The following BAHCC1 variants were observed in gnomAD, a reference collection of about 807,000 sequenced individuals.
BAHCC1 encodes BAH domain and coiled-coil containing 1.
A neutral mutation model predicts 88.2 loss-of-function variants in BAHCC1; 43 were observed. That is an observed-to-expected ratio of 0.49 (90% CI 0.38 to 0.63). The LOEUF (loss-of-function observed/expected upper bound fraction) is 0.63, where lower values mean the gene tolerates loss of function less well. Ranked by LOEUF, BAHCC1 falls within the 20% of genes least tolerant of loss-of-function variation. The pLI is 0.00. For synonymous variants in BAHCC1, 1,510 were observed against 745.5 expected (o/e 2.03, Z -16.71); for missense variants, 3,023 against 1,654.8 (o/e 1.83, Z -14.34).
intron 10 of BAHCC1, among the ~76,000 whole-genome samples, chr17:81,446,064 G>T (rs532978713): frequency 6.6e-6 from 1 of 152,132 alleles, no homozygotes; most frequent in African/African-American, 2.4e-5. Flanking sequence ...CTGGGAGAGG[G>T]AGGGGCAGCG....
rs782224953 is a variant in BAHCC1 at position 81,447,385 on chromosome 17, C to T, written c.3513C>T (p.Thr1171=). The change falls in exon 11 of 28, where the codon ACC becomes ACT. Residue 1171 remains threonine, a synonymous_variant. Coordinates refer to ENST00000675386, the MANE Select transcript of BAHCC1 (RefSeq NM_001377448.1). ...ALLEAGGPEA[T]GQAHSTQGGA... Reference sequence around the variant, plus strand: ...TGGAGGCAGGGGGCCCCGAGGCCACCGGCCAGGCTCATTCTACTCAGGGAG... The same window carrying T: ...TGGAGGCAGGGGGCCCCGAGGCCACTGGCCAGGCTCATTCTACTCAGGGAG... The T allele has an allele frequency of 3.4e-4, 252 of 737,202 alleles. No individual in the cohort carries two copies. The highest frequency in any genetic ancestry group is 5.3e-4 in the Non-Finnish European group (211 of 397,026). 45.7% of individuals were successfully genotyped at this position (737,202 alleles called of 1,614,324 possible). A position where few individuals can be genotyped will look rare whatever the true frequency, so the allele number is the denominator to read the frequency against.
At position 81,465,695 on chromosome 17, in the gene BAHCC1, G is replaced by A. The variant is rs1211882833; in HGVS notation, c.*1878G>A. The A allele has an allele frequency of 6.6e-6, 1 of 152,284 alleles. No individual in the cohort carries two copies. Among genetic ancestry groups the A allele is most frequent in the African/African-American group, 2.4e-5 (1 of 41,452 alleles). The allele number at this position is 152,284 out of a possible 1,614,324, so 9.4% of individuals were successfully genotyped here. ...CCCCTATTTTTCTCGGGCCCATTGG[G>A]GCCTGTTTCTCACCTGCTGGCTGGA... is the stretch of plus-strand genomic sequence containing the variant. On this transcript the variant is annotated 3_prime_UTR_variant, in exon 28 of 28. Transcript: ENST00000675386.
intron 4 of BAHCC1, among the ~76,000 whole-genome samples, chr17:81,440,498 C>T (rs1418738414): frequency 6.6e-6 from 1 of 152,198 alleles, no homozygotes; most frequent in African/African-American, 2.4e-5. Flanking sequence ...TTTACAAGTT[C>T]CAAATGTTTC....
rs1397087670 is a variant in BAHCC1, at chr17:81,424,342, CT to C, written c.179-2453del. 5.9e-5 allele frequency among the ~76,000 whole-genome samples: 9 copies of C among 152,322 alleles called. No homozygotes were observed. In the East Asian group the frequency reaches 1.7e-3, roughly 29 times the overall value. On this transcript the variant is annotated intron_variant, in intron 2 of 27. Transcript: ENST00000675386. The stretch of plus-strand genomic sequence containing the variant: ...CTGGTGCCTCATGTATCACCTTGAC[CT>C]TTTTGGCAAGTTCGCCAGTGTGTGA...
At position 81,442,205 on chromosome 17, in the gene BAHCC1, A is replaced by G. The variant is rs2064430810; in HGVS notation, c.856A>G (p.Asn286Asp). 4.6e-6 allele frequency: 3 copies of G among 655,160 alleles called. No homozygotes were observed. Among genetic ancestry groups the G allele is most frequent in the African/African-American group, 3.8e-5 (2 of 52,880 alleles). The allele number at this position is 655,160 out of a possible 1,614,324, so 40.6% of individuals were successfully genotyped here. Residue 286 changes from asparagine to aspartate, a missense_variant, in exon 5 of 28, where the codon AAC becomes GAC. Transcript: ENST00000675386. ...CAAGCACCTCACCTCCTGCCTCCTC[A>G]ACACCAAGGTGCTCAACGGCGAGAT... is the stretch of plus-strand genomic sequence containing the variant. The part of the protein sequence containing the change: ...RPKHLTSCLL[N>D]TKVLNGEMGR...
chr17:81,447,673 C>A lies in BAHCC1; in HGVS notation c.3801C>A (p.Thr1267=). ...LPGLDALVAA[T]INLGDLPSDS... Reference sequence around the variant, plus strand: ...GCCTGGATGCCTTGGTGGCCGCCACCATCAACCTGGGGGACCTGCCCAGCG... The same window carrying A: ...GCCTGGATGCCTTGGTGGCCGCCACAATCAACCTGGGGGACCTGCCCAGCG... The change falls in exon 11 of 28, where the codon ACC becomes ACA. Residue 1267 remains threonine, a synonymous_variant. Transcript: ENST00000675386. 1 of 739,696 alleles carries A rather than the reference C, an allele frequency of 1.4e-6. No individual in the cohort carries two copies. Among genetic ancestry groups the A allele is most frequent in the East Asian group, 2.6e-5 (1 of 38,770 alleles). 45.8% of individuals were successfully genotyped at this position (739,696 alleles called of 1,614,324 possible).
chr17:81,424,891 G>C (rs1555650077), intron 2 of BAHCC1, among the ~76,000 whole-genome samples: 3 of 151,602 alleles, frequency 2.0e-5, no homozygotes, highest in Non-Finnish European at 4.4e-5. Context: ...TGATGTGGTA[G>C]TAATGTGGTT....
chr17:81,452,237 C>T (rs2064652693), intron 13 of BAHCC1, 130 bp downstream of exon 13: 2 of 496,136 alleles, frequency 4.0e-6, no homozygotes, highest in Admixed American at 3.9e-5. Flanking sequence ...GGGCAGACAC[C>T]AGGGTCCATC....
At chr17:81,403,441 A>G (rs1164755035) in intron 2 of BAHCC1, among the ~76,000 whole-genome samples, 1 of 151,250 alleles carries the variant, frequency 6.6e-6, no homozygotes, top group Non-Finnish European at 1.5e-5. Flanking sequence ...ACTGCAAACT[A>G]CTTCTTTCCT....
chr17:81,404,278 A>G (rs1555646540), intron 2 of BAHCC1, among the ~76,000 whole-genome samples: 1 of 152,254 alleles, frequency 6.6e-6, no homozygotes, highest in Admixed American at 6.5e-5. Flanking sequence ...TAAATAAATT[A>G]TACAAGAGCC....
In BAHCC1 at chr17:81,452,722, G is replaced by A. The variant is rs1221722600; in HGVS notation, c.4317-1G>A. ...CTGACCATCCCCCCTGCGGCCCCCAGGAGAGACGAGAGTTCACGGAGCCCT... is the reference window on the plus strand; with the variant it reads ...CTGACCATCCCCCCTGCGGCCCCCAAGAGAGACGAGAGTTCACGGAGCCCT... On this transcript the variant is annotated splice_acceptor_variant, in intron 13 of 27. Coordinates refer to ENST00000675386, the MANE Select transcript of BAHCC1 (RefSeq NM_001377448.1). LOFTEE classifies it high-confidence loss of function. 2 of 752,326 alleles carry A rather than the reference G, an allele frequency of 2.7e-6. No homozygotes were observed. Among genetic ancestry groups the A allele is most frequent in the Non-Finnish European group, 4.9e-6 (2 of 406,868 alleles). 46.6% of individuals were successfully genotyped at this position (752,326 alleles called of 1,614,324 possible).
At chr17:81,422,359 A>G (rs1441801374) in intron 2 of BAHCC1, among the ~76,000 whole-genome samples, 1 of 152,228 alleles carries the variant, frequency 6.6e-6, no homozygotes, top group Non-Finnish European at 1.5e-5. Flanking sequence ...ATACAAAGAC[A>G]TAATGTTTGT....
chr17:81,462,178 CAAGGG>C, intron 26 of BAHCC1, 132 bp downstream of exon 26: 6 of 597,416 alleles, frequency 1.0e-5, no homozygotes, highest in Non-Finnish European at 1.8e-5. Context: ...GTGGAAAACT[CAAGGG>C]AAGAACAAAG....
At chr17:81,407,018 C>G in intron 2 of BAHCC1, 1 of 455,600 alleles carries the variant, frequency 2.2e-6, no homozygotes, top group Non-Finnish European at 4.4e-6. Context: ...TCCCTTCTCT[C>G]CCCTAGGATC....
At chr17:81,423,765 G>A (rs1598469934) in intron 2 of BAHCC1, among the ~76,000 whole-genome samples, 3 of 152,252 alleles carry the variant, frequency 2.0e-5, no homozygotes, top group Admixed American at 2.0e-4. Flanking sequence ...TGGCAACTCT[G>A]GGAGGCTCCC....
intron 2 of BAHCC1, among the ~76,000 whole-genome samples, chr17:81,410,282 C>T (rs1171305968): frequency 1.3e-5 from 2 of 152,180 alleles, no homozygotes; most frequent in Admixed American, 1.3e-4. Context: ...TTGGTGGGGC[C>T]TCCCCCCTGG....
At chr17:81,458,143 C>T (rs782649752) in intron 17 of BAHCC1, 22 bp from the exon 18 acceptor site, 19 of 715,710 alleles carry the variant, frequency 2.7e-5, no homozygotes, top group Middle Eastern at 5.0e-4. Context: ...ACCCCTGTGA[C>T]GGCCTCCTCT....
intron 11 of BAHCC1, among the ~76,000 whole-genome samples, chr17:81,449,770 C>T (rs1375199715): frequency 2.0e-5 from 3 of 151,800 alleles, no homozygotes; most frequent in Non-Finnish European, 2.9e-5. Flanking sequence ...TCTGTGGTCT[C>T]GGTCCAGAGC....
intron 15 of BAHCC1, 73 bp downstream of exon 15, chr17:81,455,463 ACT>A (rs1194465267): frequency 1.5e-6 from 1 of 684,766 alleles, no homozygotes; most frequent in Non-Finnish European, 2.7e-6. Context: ...CAGGTAGCAG[ACT>A]CTCCCCAGCC....
Sources: allele counts gnomAD v4.1 joint callset (sites outside exome capture counted in the v4.1 genomes callset), GRCh38; gene constraint gnomAD v4.1.1; transcripts MANE v1.5; gene names NCBI Gene and HGNC (gene_info 2026-07-23, HGNC 2026-07-21).